Variants in MAD1L1 observed in about 807,000 individuals in gnomAD.
MAD1L1 encodes mitotic arrest deficient 1 like 1.
A neutral mutation model predicts 96.9 loss-of-function variants in MAD1L1; 95 were observed. The ratio of observed to expected loss-of-function variants is 0.98; its 90% confidence interval spans 0.83 to 1.16. The LOEUF is 1.16. MAD1L1 is among the 50% of genes most tolerant of loss of function. The pLI, the probability that MAD1L1 is intolerant of heterozygous loss-of-function variation, is 0.00. For missense variants in MAD1L1, 1,007 were observed against 954.4 expected, an observed-to-expected ratio of 1.06 and a Z score of -0.73; for synonymous variants, 473 against 396.6, an observed-to-expected ratio of 1.19 and a Z score of -2.29.
At chr7:1,982,752 T>A (rs538622937) in intron 14 of MAD1L1, among the ~76,000 whole-genome samples, 1 of 152,356 alleles carries the variant, frequency 6.6e-6, no homozygotes, top group South Asian at 2.1e-4. Flanking sequence ...AAATCACAGT[T>A]GTGATACTGG....
chr7:1,815,882 T>C lies in MAD1L1; in HGVS notation c.*188A>G. On this transcript the variant is annotated 3_prime_UTR_variant, in exon 19 of 19. Transcript: ENST00000265854. Reference sequence around the variant, plus strand: ...ACCAGGCTCCGGGACGCATGGGGTCTGCACGTGGAGAGGGTGCTGGCCGCC... The same window carrying C: ...ACCAGGCTCCGGGACGCATGGGGTCCGCACGTGGAGAGGGTGCTGGCCGCC... 1.6e-6 allele frequency: 1 copy of C among 632,582 alleles called. No homozygotes were observed. The highest frequency in any genetic ancestry group is 2.7e-6 in the Non-Finnish European group (1 of 373,536). The allele number at this position is 632,582 out of a possible 1,614,324, so 39.2% of individuals were successfully genotyped here. A position where few individuals can be genotyped will look rare whatever the true frequency, so the allele number is the denominator to read the frequency against.
chr7:2,232,403 C>A (rs1210999473), intron 1 of MAD1L1, among the ~76,000 whole-genome samples: 2 of 152,258 alleles, frequency 1.3e-5, no homozygotes, highest in Admixed American at 6.5e-5. Flanking sequence ...CACACGCCCC[C>A]TTCCTGAGAG....
intron 18 of MAD1L1, chr7:1,849,292 C>A (rs1415059416): frequency 1.3e-5 from 2 of 152,262 alleles, no homozygotes; most frequent in East Asian, 3.8e-4. Context: ...CAGCACAAAT[C>A]TCCAAGTGAG....
chr7:2,159,953 C>T (rs139649876), intron 10 of MAD1L1, among the ~76,000 whole-genome samples: 4 of 152,248 alleles, frequency 2.6e-5, no homozygotes, highest in African/African-American at 4.8e-5. Flanking sequence ...TCTGGCCAGG[C>T]GCAGTGGCTC....
At chr7:1,919,242 T>C (rs1213593919) in intron 17 of MAD1L1, among the ~76,000 whole-genome samples, 2 of 152,230 alleles carry the variant, frequency 1.3e-5, no homozygotes, top group African/African-American at 4.8e-5. Context: ...CCCCAACTGT[T>C]ACGACGTGGA....
chr7:2,009,501 G>C (rs1009222816), intron 13 of MAD1L1, among the ~76,000 whole-genome samples: 1 of 152,204 alleles, frequency 6.6e-6, no homozygotes, highest in South Asian at 2.1e-4. Flanking sequence ...GTGACACAAC[G>C]TGAAGAAGCA....
At chr7:1,896,268 G>A (rs1786862994) in intron 18 of MAD1L1, among the ~76,000 whole-genome samples, 1 of 152,252 alleles carries the variant, frequency 6.6e-6, no homozygotes, top group East Asian at 1.9e-4. Flanking sequence ...GGCAAGCTGA[G>A]GCCAGCCCAA....
intron 18 of MAD1L1, among the ~76,000 whole-genome samples, chr7:1,831,262 G>A (rs1189283085): frequency 6.6e-6 from 1 of 152,098 alleles, no homozygotes; most frequent in Non-Finnish European, 1.5e-5. Context: ...TATCTTTTAT[G>A]GTACTCTGTC....
intron 10 of MAD1L1, among the ~76,000 whole-genome samples, chr7:2,196,978 C>T (rs761715519): frequency 6.6e-6 from 1 of 152,228 alleles, no homozygotes; most frequent in Non-Finnish European, 1.5e-5. Context: ...GCCAGGTCCT[C>T]GCCCTGCGAA....
chr7:2,199,478 G>A (rs779078119), intron 10 of MAD1L1, among the ~76,000 whole-genome samples: 23 of 152,242 alleles, frequency 1.5e-4, no homozygotes, highest in African/African-American at 4.8e-5. Flanking sequence ...GCGGCAAACC[G>A]CTCAATAAGG....
chr7:1,929,203 C>T (rs1444082016), intron 17 of MAD1L1, among the ~76,000 whole-genome samples: 1 of 152,052 alleles, frequency 6.6e-6, no homozygotes, highest in East Asian at 1.9e-4. Flanking sequence ...CTTCTCCTCC[C>T]TGGTATCTCT....
intron 18 of MAD1L1, among the ~76,000 whole-genome samples, chr7:1,860,445 A>G (rs13312566): frequency 1.7e-4 from 25 of 149,048 alleles, no homozygotes; most frequent in African/African-American, 6.2e-4. Flanking sequence ...GTCTCCCTAG[A>G]GGTGACATCC....
rs150018909 is a variant in MAD1L1, at chr7:2,079,289, C to G, written c.1074-9951G>C. On this transcript the variant is annotated intron_variant, in intron 11 of 18. Transcript: ENST00000265854. ...CCAGGACATCAGGCTCAGCGTGGCA[C>G]GCAGCTGTTGTTATTTACTCTATCT... Among the ~76,000 whole-genome samples, 411 of 152,280 alleles carry G rather than the reference C, an allele frequency of 2.7e-3. 3 individuals carry two copies. Among genetic ancestry groups the G allele is most frequent in the South Asian group, 2.5e-3 (12 of 4,822 alleles).
rs1047446021 is a variant in MAD1L1 at position 1,968,524 on chromosome 7, C to T, written c.1506-10805G>A. ...GCCTCAGTCCGGCGGTCAGGTCCAC[C>T]GTCAATGCCAGCGGTCATGTCCACC... On this transcript the variant is annotated intron_variant, in intron 15 of 18. Coordinates refer to ENST00000265854, the MANE Select transcript of MAD1L1 (RefSeq NM_001013836.2). The surrounding 1 kb of genome is among the most constrained non-coding windows in gnomAD (Gnocchi z 5.6). 4.7e-5 allele frequency among the ~76,000 whole-genome samples: 7 copies of T among 149,324 alleles called. No individual in the cohort carries two copies. The highest frequency in any genetic ancestry group is 4.3e-4 in the South Asian group (2 of 4,686).
At chr7:1,848,618 C>T (rs566511317) in intron 18 of MAD1L1, 27 of 154,130 alleles carry the variant, frequency 1.8e-4, no homozygotes, top group African/African-American at 6.2e-4. Flanking sequence ...CCATGGACCC[C>T]GAGCACCAGC....
At chr7:1,939,789 C>T (rs11770899) in intron 16 of MAD1L1, among the ~76,000 whole-genome samples, 85,243 of 152,126 alleles carry the variant, frequency 0.56, 25,179 homozygotes, top group South Asian at 0.73. Flanking sequence ...CCCAAGAGCT[C>T]AGGCTGCTGT....
At chr7:2,210,737 A>G (rs1388370041) in intron 10 of MAD1L1, among the ~76,000 whole-genome samples, 1 of 152,212 alleles carries the variant, frequency 6.6e-6, no homozygotes, top group Non-Finnish European at 1.5e-5. Flanking sequence ...CAGGCAACCC[A>G]GCACGTGAGG....
intron 11 of MAD1L1, among the ~76,000 whole-genome samples, chr7:2,127,037 GGAA>G: frequency 6.6e-6 from 1 of 152,332 alleles, no homozygotes; most frequent in East Asian, 1.9e-4. Context: ...TCGTTCCCAG[GGAA>G]GAACAGAGCA....
intron 17 of MAD1L1, among the ~76,000 whole-genome samples, chr7:1,928,310 C>T (rs572415633): frequency 7.3e-5 from 11 of 151,660 alleles, no homozygotes; most frequent in African/African-American, 2.2e-4. Flanking sequence ...ACACTGCTCC[C>T]GACGACCCGC....
Sources: allele counts gnomAD v4.1 joint callset (sites outside exome capture counted in the v4.1 genomes callset), GRCh38; gene constraint gnomAD v4.1.1; non-coding constraint Gnocchi (gnomAD v3.1); transcripts MANE v1.5; gene names NCBI Gene and HGNC (gene_info 2026-07-23, HGNC 2026-07-21).